Variants in GRID2 observed in about 807,000 individuals in gnomAD.
GRID2 encodes the protein glutamate receptor ionotropic, delta-2.
A neutral mutation model predicts 114.8 loss-of-function variants in GRID2; 33 were observed. The ratio of observed to expected loss-of-function variants is 0.29; its 90% CI spans 0.22 to 0.38. The LOEUF (loss-of-function observed/expected upper bound fraction) is 0.38. Among genes scored for constraint, GRID2 ranks in the 10% least tolerant of loss-of-function variants. The probability of loss-of-function intolerance (pLI) is 1.00; values close to 1 mark genes in which losing one functional copy is unlikely to be tolerated. For synonymous variants in GRID2, 505 were observed against 449.9 expected (o/e 1.12, Z -1.55); for missense variants, 1,184 against 1,257.7 (o/e 0.94, Z 0.89).
At chr4:92,415,734 A>ATG (rs1285685766) in intron 1 of GRID2, among the ~76,000 whole-genome samples, 941 of 40,904 alleles carry the variant, frequency 0.023, 17 homozygotes, top group African/African-American at 0.057. Flanking sequence ...GTGTGTGTGT[A>ATG]TGTGTGTATA....
intron 2 of GRID2, among the ~76,000 whole-genome samples, chr4:92,773,145 A>G (rs1738620120): frequency 6.6e-6 from 1 of 152,224 alleles, no homozygotes; most frequent in South Asian, 2.1e-4. Flanking sequence ...GCAGTCTATG[A>G]TATTATGAAT....
intron 8 of GRID2, among the ~76,000 whole-genome samples, chr4:93,248,160 T>G (rs1319823379): frequency 6.6e-6 from 1 of 152,142 alleles, no homozygotes; most frequent in Non-Finnish European, 1.5e-5. Flanking sequence ...GTACTTAACA[T>G]CCACTGAACA....
rs185150413 is a variant in GRID2 at position 92,969,704 on chromosome 4, T to C, written c.245-115291T>C. Among the ~76,000 whole-genome samples the C allele has an allele frequency of 2.4e-4, 37 of 151,942 alleles. No individual in the cohort carries two copies. The East Asian group carries it at 3.5e-3, about 14-fold the overall frequency. ...TGCAAAATTTCTTAATTCCATACTT[T>C]CGTTTTCAATGTGTTTTTGACATAG... On this transcript the variant is annotated intron_variant, in intron 2 of 15. Coordinates refer to ENST00000282020, the MANE Select transcript of GRID2 (RefSeq NM_001510.4).
intron 13 of GRID2, among the ~76,000 whole-genome samples, chr4:93,621,973 C>T (rs1437066354): frequency 6.6e-6 from 1 of 152,156 alleles, no homozygotes; most frequent in Non-Finnish European, 1.5e-5. Flanking sequence ...GAAAACTTTT[C>T]TAACAGCAAA....
chr4:92,990,734 TCACAGA>T (rs1373420414), intron 2 of GRID2, among the ~76,000 whole-genome samples: 2 of 152,072 alleles, frequency 1.3e-5, no homozygotes, highest in Non-Finnish European at 2.9e-5. Context: ...TCCAATACTT[TCACAGA>T]CACAGAGACC....
At chr4:93,067,466 T>C (rs1327079343) in intron 2 of GRID2, among the ~76,000 whole-genome samples, 1 of 152,024 alleles carries the variant, frequency 6.6e-6, no homozygotes, top group African/African-American at 2.4e-5. Context: ...ATCAGGCCTC[T>C]ATTATAAGGT....
At chr4:92,751,541 A>G (rs935323716) in intron 2 of GRID2, among the ~76,000 whole-genome samples, 2 of 152,194 alleles carry the variant, frequency 1.3e-5, no homozygotes, top group Non-Finnish European at 2.9e-5. Context: ...TTAGAAATAG[A>G]CAAGCTTAAA....
At chr4:92,495,160 G>C (rs187204597) in intron 1 of GRID2, among the ~76,000 whole-genome samples, 1 of 152,030 alleles carries the variant, frequency 6.6e-6, no homozygotes, top group East Asian at 1.9e-4. Flanking sequence ...AGAGTGTCTA[G>C]ATCAAAGAAA....
intron 3 of GRID2, among the ~76,000 whole-genome samples, chr4:93,101,964 G>A (rs1156326438): frequency 2.0e-5 from 3 of 151,986 alleles, no homozygotes; most frequent in Non-Finnish European, 4.4e-5. Flanking sequence ...CTGTTTAAAT[G>A]TTAATTTCTT....
intron 1 of GRID2, among the ~76,000 whole-genome samples, chr4:92,426,046 A>G (rs1251435581): frequency 1.3e-5 from 2 of 152,084 alleles, no homozygotes; most frequent in African/African-American, 4.8e-5. Flanking sequence ...CACCTGAGCA[A>G]CTGCTGTATG....
intron 2 of GRID2, among the ~76,000 whole-genome samples, chr4:92,826,232 A>G (rs1741688790): frequency 6.6e-6 from 1 of 151,986 alleles, no homozygotes; most frequent in Non-Finnish European, 1.5e-5. Flanking sequence ...TATGCATCCA[A>G]CTTAGGGTCT....
In GRID2 at chr4:92,629,086, A is replaced by C. The variant is rs966646151; in HGVS notation, c.244+38800A>C. Among the ~76,000 whole-genome samples, 3 of 152,060 alleles carry C rather than the reference A, an allele frequency of 2.0e-5. No individual in the cohort carries two copies. In the South Asian group the frequency reaches 6.3e-4, roughly 32 times the overall value. Reference sequence around the variant, plus strand: ...ACTAGATACAGTTAATAGTGAAAAAACGATACAAAATACGGAATAGTAAAT... The same window carrying C: ...ACTAGATACAGTTAATAGTGAAAAACCGATACAAAATACGGAATAGTAAAT... On this transcript the variant is annotated intron_variant, in intron 2 of 15. Transcript: ENST00000282020.
intron 2 of GRID2, among the ~76,000 whole-genome samples, chr4:92,773,582 A>T (rs1199406491): frequency 6.6e-6 from 1 of 152,038 alleles, no homozygotes; most frequent in Non-Finnish European, 1.5e-5. Flanking sequence ...TATCTAATTT[A>T]ATATATCACA....
intron 4 of GRID2, among the ~76,000 whole-genome samples, chr4:93,135,890 T>C (rs1289221435): frequency 1.3e-5 from 2 of 152,212 alleles, no homozygotes; most frequent in African/African-American, 4.8e-5. Flanking sequence ...ATACTTATTA[T>C]ATGTGGATCA....
rs184643452 is a variant in GRID2 at position 93,160,975 on chromosome 4, C to T, written c.736-46429C>T. On this transcript the variant is annotated intron_variant, in intron 4 of 15. Transcript: ENST00000282020. ...CAAGAAAAAATAAAATGTCCAGTTG[C>T]AAAACTGCCTCAGTCTAAAGAAATG... 3.1e-4 allele frequency among the ~76,000 whole-genome samples: 47 copies of T among 151,836 alleles called. 1 individual carries two copies. Among genetic ancestry groups the T allele is most frequent in the Admixed American group, 9.9e-4 (15 of 15,184 alleles).
intron 2 of GRID2, among the ~76,000 whole-genome samples, chr4:92,619,855 T>A (rs536896804): frequency 6.6e-6 from 1 of 151,904 alleles, no homozygotes; most frequent in African/African-American, 2.4e-5. Flanking sequence ...TAAGGAGATT[T>A]GCTGAGCTCC....
At chr4:93,511,980 TTTTGCCATG>T (rs937910336) in intron 12 of GRID2, among the ~76,000 whole-genome samples, 2 of 151,568 alleles carry the variant, frequency 1.3e-5, no homozygotes, top group Non-Finnish European at 2.9e-5. Flanking sequence ...AGAGACAGGG[TTTTGCCATG>T]TTGGCCAGGC....
At chr4:92,892,194 G>A (rs979690413) in intron 2 of GRID2, among the ~76,000 whole-genome samples, 7 of 151,952 alleles carry the variant, frequency 4.6e-5, no homozygotes, top group African/African-American at 1.7e-4. Flanking sequence ...CTCCCTAGTA[G>A]CTGGGATTAC....
chr4:93,442,147 T>C (rs1721680354), intron 10 of GRID2, among the ~76,000 whole-genome samples: 1 of 152,078 alleles, frequency 6.6e-6, no homozygotes, highest in Non-Finnish European at 1.5e-5. Context: ...AATAGCTACA[T>C]TAAGTGAATT....
Sources: allele counts gnomAD v4.1 joint callset (sites outside exome capture counted in the v4.1 genomes callset), GRCh38; gene constraint gnomAD v4.1.1; transcripts MANE v1.5; gene names NCBI Gene and HGNC (gene_info 2026-07-23, HGNC 2026-07-21).